Variants in EPHA3 observed in about 807,000 individuals in gnomAD.
EPHA3 encodes the protein ephrin type-A receptor 3.
A neutral mutation model predicts 107.1 loss-of-function variants in EPHA3; 42 were observed. That is an observed-to-expected ratio of 0.39 (90% confidence interval 0.31 to 0.51). The LOEUF (loss-of-function observed/expected upper bound fraction) is 0.51, where lower values mean the gene tolerates loss of function less well. Ranked by LOEUF, EPHA3 falls within the 20% of genes least tolerant of loss-of-function variation. The pLI is 0.78. For missense variants in EPHA3, 1,183 were observed against 1,211.2 expected (o/e 0.98, Z 0.35); for synonymous variants, 461 against 424.8 (o/e 1.09, Z -1.05).
At chr3:89,476,341 G>T (rs921966010) in intron 16 of EPHA3, among the ~76,000 whole-genome samples, 8 of 148,100 alleles carry the variant, frequency 5.4e-5, no homozygotes, top group Admixed American at 1.4e-4. Flanking sequence ...AAGTGATGAG[G>T]AATGTCTCAA....
At chr3:89,165,646 T>G (rs746080625) in intron 2 of EPHA3, among the ~76,000 whole-genome samples, 4 of 152,244 alleles carry the variant, frequency 2.6e-5, no homozygotes, top group Non-Finnish European at 5.9e-5. Context: ...AAAAAATGTG[T>G]TACTTTTGTA....
intron 2 of EPHA3, among the ~76,000 whole-genome samples, chr3:89,174,160 C>T (rs1705270585): frequency 6.6e-6 from 1 of 151,926 alleles, no homozygotes; most frequent in African/African-American, 2.4e-5. Context: ...ATCTTAGGGA[C>T]TCAGAAATGA....
At chr3:89,420,249 A>G (rs1709329333) in intron 11 of EPHA3, among the ~76,000 whole-genome samples, 1 of 151,178 alleles carries the variant, frequency 6.6e-6, no homozygotes, top group Admixed American at 6.6e-5. Flanking sequence ...ACATTTACAT[A>G]CTCTATCGTT....
At chr3:89,213,973 G>A (rs1704166904) in intron 3 of EPHA3, among the ~76,000 whole-genome samples, 1 of 151,868 alleles carries the variant, frequency 6.6e-6, no homozygotes, top group Admixed American at 6.6e-5. Flanking sequence ...GCACTGATAA[G>A]TAATAAGATA....
intron 2 of EPHA3, among the ~76,000 whole-genome samples, chr3:89,173,036 T>C (rs1358470964): frequency 6.6e-6 from 1 of 152,118 alleles, no homozygotes; most frequent in Non-Finnish European, 1.5e-5. Flanking sequence ...ACAAGTACAG[T>C]ATTCAGAATC....
chr3:89,399,025 G>A (rs1708903244), intron 6 of EPHA3, among the ~76,000 whole-genome samples: 1 of 151,906 alleles, frequency 6.6e-6, no homozygotes, highest in South Asian at 2.1e-4. Context: ...AGCTACTCAG[G>A]AGGCTGAGGC....
intron 3 of EPHA3, among the ~76,000 whole-genome samples, chr3:89,292,953 C>T (rs1706250737): frequency 6.6e-6 from 1 of 152,132 alleles, no homozygotes; most frequent in Admixed American, 6.6e-5. Context: ...CATTTTGTAT[C>T]TCTGCCTGCT....
intron 14 of EPHA3, among the ~76,000 whole-genome samples, chr3:89,449,897 G>A (rs1296955443): frequency 1.3e-5 from 2 of 151,964 alleles, no homozygotes; most frequent in Admixed American, 6.6e-5. Context: ...CACCAAATTT[G>A]CTCTATCATT....
At position 89,127,369 on chromosome 3, in the gene EPHA3, C is replaced by T. The variant is rs926035972; in HGVS notation, c.153+96C>T. 2.3e-5 allele frequency: 21 copies of T among 916,016 alleles called. No individual in the cohort carries two copies. The African/African-American group carries it at 3.2e-4, about 14-fold the overall frequency. 56.7% of individuals were successfully genotyped at this position (916,016 alleles called of 1,614,324 possible). ...GTATTCTCTAAAGAGAACTCTTGTA[C>T]TTCTGGTGACAAATTATACTTATAG... On this transcript the variant is annotated intron_variant, in intron 2 of 16. Transcript: ENST00000336596.
chr3:89,394,147 A>G (rs1480784157), intron 5 of EPHA3, among the ~76,000 whole-genome samples: 2 of 152,176 alleles, frequency 1.3e-5, no homozygotes, highest in Non-Finnish European at 2.9e-5. Flanking sequence ...GTGGTGGTTC[A>G]TGCCTGTAAT....
intron 3 of EPHA3, among the ~76,000 whole-genome samples, chr3:89,318,237 T>C (rs1706957181): frequency 6.6e-6 from 1 of 151,940 alleles, no homozygotes; most frequent in Non-Finnish European, 1.5e-5. Context: ...AAAGCCATAT[T>C]GTTGATGAAT....
At chr3:89,439,108 T>G (rs1474510670) in intron 13 of EPHA3, among the ~76,000 whole-genome samples, 1 of 152,158 alleles carries the variant, frequency 6.6e-6, no homozygotes, top group South Asian at 2.1e-4. Context: ...AAAATGACAC[T>G]AGAGCAGAAA....
chr3:89,250,409 C>A (rs920248990), intron 3 of EPHA3, among the ~76,000 whole-genome samples: 1 of 152,136 alleles, frequency 6.6e-6, no homozygotes, highest in Non-Finnish European at 1.5e-5. Flanking sequence ...CAAGGTATTG[C>A]TATTTTGTTT....
chr3:89,221,108 C>T (rs754911633), intron 3 of EPHA3, among the ~76,000 whole-genome samples: 2 of 152,274 alleles, frequency 1.3e-5, no homozygotes, highest in South Asian at 2.1e-4. Flanking sequence ...ACCACTGTTT[C>T]CTATGCTTCC....
chr3:89,415,206 A>G (rs1576366588), intron 10 of EPHA3, among the ~76,000 whole-genome samples: 1 of 151,426 alleles, frequency 6.6e-6, no homozygotes, highest in East Asian at 1.9e-4. Context: ...AAATATGTAC[A>G]CAAATAAATT....
At chr3:89,230,020 A>G (rs1169012467) in intron 3 of EPHA3, among the ~76,000 whole-genome samples, 1 of 151,984 alleles carries the variant, frequency 6.6e-6, no homozygotes, top group Non-Finnish European at 1.5e-5. Flanking sequence ...TGAAATATAT[A>G]AGTCAGTATG....
chr3:89,435,444 T>A (rs992607952), intron 13 of EPHA3, among the ~76,000 whole-genome samples: 25 of 145,014 alleles, frequency 1.7e-4, no homozygotes, highest in African/African-American at 2.5e-4. Context: ...TGTTAAAAAA[T>A]ATATATATAT....
chr3:89,221,639 G>A (rs1704378714), intron 3 of EPHA3, among the ~76,000 whole-genome samples: 1 of 152,118 alleles, frequency 6.6e-6, no homozygotes, highest in African/African-American at 2.4e-5. Context: ...TGTACCCAGT[G>A]AGGAATATAC....
intron 11 of EPHA3, among the ~76,000 whole-genome samples, chr3:89,428,640 C>T (rs1709503407): frequency 6.6e-6 from 1 of 152,016 alleles, no homozygotes; most frequent in Non-Finnish European, 1.5e-5. Flanking sequence ...ACTTGCTCCC[C>T]ACTAAGCGGC....
Sources: allele counts gnomAD v4.1 joint callset (sites outside exome capture counted in the v4.1 genomes callset), GRCh38; gene constraint gnomAD v4.1.1; transcripts MANE v1.5; gene names NCBI Gene and HGNC (gene_info 2026-07-23, HGNC 2026-07-21).